PXDNL: variants seen among roughly 807,000 people sequenced by gnomAD.
The protein encoded by PXDNL is probable oxidoreductase PXDNL.
Under a neutral mutation model 150.8 loss-of-function variants are expected in PXDNL, and 145 were observed. The ratio of observed to expected loss-of-function variants is 0.96; its 90% CI spans 0.84 to 1.10. PXDNL has a LOEUF of 1.10. Among genes scored for constraint, PXDNL ranks in the 50% least tolerant of loss-of-function variants. The probability of loss-of-function intolerance (pLI) is 0.00; values close to 1 mark genes in which losing one functional copy is unlikely to be tolerated. For missense variants in PXDNL, 2,087 were observed against 1,873.9 expected, an observed-to-expected ratio of 1.11 and a Z score of -2.10; for synonymous variants, 757 against 725.7, an observed-to-expected ratio of 1.04 and a Z score of -0.69.
rs374879108 is a variant in PXDNL at position 51,378,037 on chromosome 8, A to C, written c.3558-3306T>G. ...TATGTCTAGCTAAGGGATTGTAAAT[A>C]CACCAATTAGCACTCTGTGTCTAGC... is the stretch of plus-strand genomic sequence containing the variant. On this transcript the variant is annotated intron_variant, in intron 17 of 22. Coordinates refer to ENST00000356297, the MANE Select transcript of PXDNL (RefSeq NM_144651.5). 9.2e-5 allele frequency among the ~76,000 whole-genome samples: 14 copies of C among 152,346 alleles called. No homozygotes were observed. In the East Asian group the frequency reaches 2.1e-3, roughly 23 times the overall value.
intron 1 of PXDNL, among the ~76,000 whole-genome samples, chr8:51,744,948 GAA>G (rs1563307746): frequency 1.6e-3 from 10 of 6,308 alleles, no homozygotes; most frequent in Admixed American, 4.0e-3. Flanking sequence ...AAGAAAGAAA[GAA>G]AGAAAGAAAG....
intron 2 of PXDNL, among the ~76,000 whole-genome samples, chr8:51,615,790 G>A (rs190195324): frequency 2.6e-5 from 4 of 152,318 alleles, no homozygotes; most frequent in African/African-American, 9.6e-5. Flanking sequence ...TTTAACAAAT[G>A]AGAATTTCCA....
chr8:51,741,024 C>T (rs1421368682), intron 1 of PXDNL, among the ~76,000 whole-genome samples: 1 of 152,170 alleles, frequency 6.6e-6, no homozygotes, highest in Non-Finnish European at 1.5e-5. Flanking sequence ...CGAATAGTTT[C>T]AGAAGGAATG....
At chr8:51,746,422 T>G (rs1440571532) in intron 1 of PXDNL, among the ~76,000 whole-genome samples, 1 of 152,160 alleles carries the variant, frequency 6.6e-6, no homozygotes, top group Non-Finnish European at 1.5e-5. Context: ...TCTCTTCATC[T>G]AGAACAGGCA....
chr8:51,426,048 G>A (rs562299321), intron 13 of PXDNL, among the ~76,000 whole-genome samples: 26 of 152,304 alleles, frequency 1.7e-4, no homozygotes, highest in African/African-American at 6.3e-4. Flanking sequence ...ACATTCAAGT[G>A]TGCAAATTTG....
intron 2 of PXDNL, among the ~76,000 whole-genome samples, chr8:51,644,410 G>GCACA (rs1814867585): frequency 6.6e-5 from 3 of 45,450 alleles, no homozygotes; most frequent in African/African-American, 1.7e-4. Flanking sequence ...ATACACATGT[G>GCACA]TGTGTATATA....
At chr8:51,600,798 A>G (rs1334904180) in intron 2 of PXDNL, among the ~76,000 whole-genome samples, 4 of 136,710 alleles carry the variant, frequency 2.9e-5, no homozygotes, top group African/African-American at 1.1e-4. Flanking sequence ...TTTTGATAAT[A>G]AATTATATCT....
At chr8:51,399,120 A>C (rs1187621772) in intron 17 of PXDNL, among the ~76,000 whole-genome samples, 3 of 152,222 alleles carry the variant, frequency 2.0e-5, no homozygotes. Context: ...AAAGTCTTCT[A>C]CACTGCCAGT....
intron 10 of PXDNL, among the ~76,000 whole-genome samples, chr8:51,453,075 G>C (rs1809846111): frequency 6.6e-6 from 1 of 152,230 alleles, no homozygotes; most frequent in Non-Finnish European, 1.5e-5. Flanking sequence ...TCTGGATTCA[G>C]AATAGTTTTA....
At chr8:51,533,233 C>T (rs1811944474) in intron 4 of PXDNL, among the ~76,000 whole-genome samples, 1 of 152,188 alleles carries the variant, frequency 6.6e-6, no homozygotes, top group African/African-American at 2.4e-5. Flanking sequence ...TCACTGCAAC[C>T]TCTGCCTCCT....
At chr8:51,331,500 C>A (rs1039421324) in intron 21 of PXDNL, among the ~76,000 whole-genome samples, 1 of 152,122 alleles carries the variant, frequency 6.6e-6, no homozygotes, top group African/African-American at 2.4e-5. Flanking sequence ...CTGGGGAGGG[C>A]GTGAATCCGG....
intron 19 of PXDNL, among the ~76,000 whole-genome samples, chr8:51,366,366 G>A (rs80246046): frequency 0.025 from 3,765 of 152,270 alleles, 68 homozygotes; most frequent in East Asian, 0.073. Flanking sequence ...CCTCACTTCT[G>A]TTTTCCGTAC....
chr8:51,715,720 C>A (rs1816603346), intron 1 of PXDNL, among the ~76,000 whole-genome samples: 1 of 152,096 alleles, frequency 6.6e-6, no homozygotes, highest in Non-Finnish European at 1.5e-5. Context: ...GGCGGGGTTT[C>A]TTGTCAAGTT....
chr8:51,325,875 G>A (rs1805468705), intron 21 of PXDNL, among the ~76,000 whole-genome samples: 2 of 152,110 alleles, frequency 1.3e-5, no homozygotes, highest in Admixed American at 1.3e-4. Flanking sequence ...TGGAGGTGGG[G>A]GCCACAGTTT....
intron 1 of PXDNL, among the ~76,000 whole-genome samples, chr8:51,725,033 G>A (rs1425621699): frequency 3.3e-5 from 5 of 151,950 alleles, no homozygotes; most frequent in African/African-American, 4.8e-5. Flanking sequence ...TGTCACCCAG[G>A]CTGGAGTGCA....
At chr8:51,382,873 C>T (rs1586055890) in intron 17 of PXDNL, among the ~76,000 whole-genome samples, 1 of 152,044 alleles carries the variant, frequency 6.6e-6, no homozygotes, top group East Asian at 1.9e-4. Flanking sequence ...TGAACTTTCC[C>T]AGAGAGTATA....
At chr8:51,347,385 A>G (rs1806191439) in intron 19 of PXDNL, among the ~76,000 whole-genome samples, 1 of 152,254 alleles carries the variant, frequency 6.6e-6, no homozygotes, top group Admixed American at 6.5e-5. Context: ...ACAAAATAAG[A>G]GTAAAACTTA....
intron 1 of PXDNL, among the ~76,000 whole-genome samples, chr8:51,711,873 T>C (rs900097747): frequency 2.0e-5 from 3 of 152,252 alleles, no homozygotes; most frequent in Non-Finnish European, 4.4e-5. Context: ...CCAGCATTTA[T>C]TGTTACTGAA....
At chr8:51,636,525 A>C (rs936472275) in intron 2 of PXDNL, among the ~76,000 whole-genome samples, 2 of 152,196 alleles carry the variant, frequency 1.3e-5, no homozygotes, top group African/African-American at 4.8e-5. Flanking sequence ...ACATGCAAAA[A>C]TCTGCTGTGT....
Sources: allele counts gnomAD v4.1 joint callset (sites outside exome capture counted in the v4.1 genomes callset), GRCh38; gene constraint gnomAD v4.1.1; transcripts MANE v1.5; gene names NCBI Gene and HGNC (gene_info 2026-07-23, HGNC 2026-07-21).